FAM114A1: variants seen among roughly 807,000 people sequenced by gnomAD.
FAM114A1 encodes the protein family with sequence similarity 114 member A1.
FAM114A1 carries 62 observed loss-of-function variants against 64.3 expected under a neutral mutation model. That is an observed-to-expected ratio of 0.96 (90% CI 0.79 to 1.19). FAM114A1 has a LOEUF of 1.19. Ranked by LOEUF, FAM114A1 falls within the 50% of genes most tolerant of loss-of-function variation. The pLI, the probability that FAM114A1 is intolerant of heterozygous loss-of-function variation, is 0.00. For missense variants in FAM114A1, 645 were observed against 676.3 expected, an observed-to-expected ratio of 0.95 and a Z score of 0.51; for synonymous variants, 254 against 251.1, an observed-to-expected ratio of 1.01 and a Z score of -0.11.
rs145723690 is a variant in FAM114A1 at position 38,870,648 on chromosome 4, T to G, written c.-9+2102T>G. On this transcript the variant is annotated intron_variant, in intron 2 of 14. Coordinates refer to ENST00000358869, the MANE Select transcript of FAM114A1 (RefSeq NM_138389.4). Reference sequence around the variant, plus strand: ...CCTCCTTGTTTCTGTGGGTTGAGTCTCCCTAGCCTCCAGTCCACGAGACAT... The same window carrying G: ...CCTCCTTGTTTCTGTGGGTTGAGTCGCCCTAGCCTCCAGTCCACGAGACAT... Among the ~76,000 whole-genome samples the G allele has an allele frequency of 2.3e-4, 35 of 152,254 alleles. No homozygotes were observed. In the East Asian group the frequency reaches 5.6e-3, roughly 24 times the overall value.
chr4:38,932,037 A>G (rs1167816264), intron 11 of FAM114A1, among the ~76,000 whole-genome samples, 198 bp from the exon 12 acceptor site: 1 of 152,252 alleles, frequency 6.6e-6, no homozygotes, highest in Non-Finnish European at 1.5e-5. Context: ...CAGACCTGCC[A>G]CATCCGTGGG....
intron 12 of FAM114A1, among the ~76,000 whole-genome samples, 169 bp from the exon 13 acceptor site, chr4:38,935,549 G>T (rs1200300039): frequency 1.3e-5 from 2 of 152,226 alleles, no homozygotes; most frequent in African/African-American, 4.8e-5. Flanking sequence ...TGCGAATCAT[G>T]GAAGATGATT....
chr4:38,922,220 G>A (rs1005940930), intron 8 of FAM114A1, among the ~76,000 whole-genome samples: 17 of 152,172 alleles, frequency 1.1e-4, no homozygotes, highest in Non-Finnish European at 1.6e-4. Flanking sequence ...GATTACAGGC[G>A]TGAGCCACCG....
At chr4:38,932,834 T>C (rs1200298287) in intron 12 of FAM114A1, among the ~76,000 whole-genome samples, 2 of 151,470 alleles carry the variant, frequency 1.3e-5, no homozygotes, top group Non-Finnish European at 2.9e-5. Flanking sequence ...TCCATTGTTC[T>C]ACGGTCATCT....
rs111658740 is a variant in FAM114A1 at position 38,944,317 on chromosome 4, G to C, written c.*760G>C. Reference sequence around the variant, plus strand: ...GATCTCCTGACCTCGTGATCTGCCCGCCTCAGCCTCCCAAAGTGCTGGGAT... The same window carrying C: ...GATCTCCTGACCTCGTGATCTGCCCCCCTCAGCCTCCCAAAGTGCTGGGAT... On this transcript the variant is annotated 3_prime_UTR_variant, in exon 15 of 15. Coordinates refer to ENST00000358869, the MANE Select transcript of FAM114A1 (RefSeq NM_138389.4). The C allele has an allele frequency of 6.6e-6, 1 of 151,902 alleles. No individual in the cohort carries two copies. The highest frequency in any genetic ancestry group is 2.1e-4 in the South Asian group (1 of 4,818). 9.4% of individuals were successfully genotyped at this position (151,902 alleles called of 1,614,324 possible).
At chr4:38,913,528 G>A (rs917592353) in intron 7 of FAM114A1, among the ~76,000 whole-genome samples, 4 of 151,958 alleles carry the variant, frequency 2.6e-5, no homozygotes, top group African/African-American at 9.7e-5. Flanking sequence ...TGAGTAGCTG[G>A]GATTACAGGC....
At chr4:38,898,138 A>T (rs1717129652) in intron 4 of FAM114A1, among the ~76,000 whole-genome samples, 1 of 152,226 alleles carries the variant, frequency 6.6e-6, no homozygotes, top group Non-Finnish European at 1.5e-5. Context: ...AGTAGAATAC[A>T]GTAATTTATT....
At position 38,914,930 on chromosome 4, in the gene FAM114A1, G is replaced by A; in HGVS notation, c.802G>A (p.Glu268Lys). Residue 268 changes from glutamate to lysine, a missense_variant, in exon 8 of 15, where the codon GAA (glutamate) becomes AAA (lysine). By Grantham distance (56) the Glu-to-Lys change is moderately conservative. Transcript: ENST00000358869. The part of the protein sequence containing the change: ...RTVSLSQMLR[E>K]AKEKEKQRLA... ...TTGTGTATTTCTGCAGATGTTAAGG[G>A]AAGCTAAGGAGAAGGAGAAGCAGAG... The A allele has an allele frequency of 6.2e-7, 1 of 1,613,886 alleles. No homozygotes were observed. Among genetic ancestry groups the A allele is most frequent in the African/African-American group, 1.3e-5 (1 of 75,002 alleles).
intron 3 of FAM114A1, among the ~76,000 whole-genome samples, chr4:38,890,147 T>G (rs1716184976): frequency 6.6e-6 from 1 of 152,184 alleles, no homozygotes; most frequent in African/African-American, 2.4e-5. Context: ...GGCTCACACC[T>G]GTATTCCTAG....
chr4:38,879,183 A>G (rs1560287232), intron 3 of FAM114A1, among the ~76,000 whole-genome samples: 1 of 152,036 alleles, frequency 6.6e-6, no homozygotes, highest in Non-Finnish European at 1.5e-5. Context: ...AAAGAAGGAG[A>G]CAGGCTGCTC....
chr4:38,875,659 G>A (rs1377798756), intron 2 of FAM114A1, among the ~76,000 whole-genome samples: 2 of 152,234 alleles, frequency 1.3e-5, no homozygotes, highest in South Asian at 2.1e-4. Context: ...TCGTTCTCTT[G>A]TCTGATTGCT....
intron 4 of FAM114A1, among the ~76,000 whole-genome samples, chr4:38,897,907 C>T (rs1422473197): frequency 7.3e-5 from 11 of 150,922 alleles, no homozygotes; most frequent in Non-Finnish European, 2.9e-5. Context: ...GATTGCACCA[C>T]TGCACTCCAG....
In FAM114A1 at chr4:38,913,743, A is replaced by T. The variant is rs114041952; in HGVS notation, c.793-1178A>T. Among the ~76,000 whole-genome samples the T allele has an allele frequency of 4.9e-3, 743 of 152,298 alleles. 8 individuals carry two copies. Among genetic ancestry groups the T allele is most frequent in the African/African-American group, 0.017 (697 of 41,544 alleles). On this transcript the variant is annotated intron_variant, in intron 7 of 14. Coordinates refer to ENST00000358869, the MANE Select transcript of FAM114A1 (RefSeq NM_138389.4). ...TATATGATGACAAATACATTATGAGATTATGTTTATTAATTTTTAAATTGA... is the reference window on the plus strand; with the variant it reads ...TATATGATGACAAATACATTATGAGTTTATGTTTATTAATTTTTAAATTGA...
chr4:38,907,538 T>A (rs1182429172), intron 6 of FAM114A1, among the ~76,000 whole-genome samples: 1 of 152,170 alleles, frequency 6.6e-6, no homozygotes, highest in Non-Finnish European at 1.5e-5. Context: ...TACACAGAAG[T>A]GTGAATTGCT....
chr4:38,916,967 C>T (rs550089661), intron 8 of FAM114A1, among the ~76,000 whole-genome samples: 2 of 151,880 alleles, frequency 1.3e-5, no homozygotes, highest in South Asian at 2.1e-4. Flanking sequence ...AAAATTGCTC[C>T]GATAAATTCA....
At chr4:38,883,051 G>A (rs1470811561) in intron 3 of FAM114A1, among the ~76,000 whole-genome samples, 3 of 152,176 alleles carry the variant, frequency 2.0e-5, no homozygotes, top group Admixed American at 6.5e-5. Flanking sequence ...GCCTTCTCCT[G>A]TAGGAACCCA....
chr4:38,878,376 C>G lies in FAM114A1; in HGVS notation c.298C>G (p.Leu100Val). The G allele has an allele frequency of 6.2e-7, 1 of 1,611,582 alleles. No individual in the cohort carries two copies. The highest frequency in any genetic ancestry group is 8.5e-7 in the Non-Finnish European group (1 of 1,178,616). ...TLAECIDSVS[L>V]EAEPRSEIPL... ...TGCTGAATGTATTGATTCCGTCAGC[C>G]TTGAGGCAGAACCCAGATCCGAAAT... Residue 100 changes from leucine to valine, a missense_variant, in exon 3 of 15, where the codon CTT (leucine) becomes GTT (valine). Transcript: ENST00000358869.
chr4:38,905,850 G>T lies in FAM114A1; in HGVS notation c.646G>T (p.Val216Phe). The T allele has an allele frequency of 6.2e-7, 1 of 1,611,476 alleles. No homozygotes were observed. Among genetic ancestry groups the T allele is most frequent in the Non-Finnish European group, 8.5e-7 (1 of 1,179,382 alleles). The change falls in exon 6 of 15, where the codon GTT (valine) becomes TTT (phenylalanine). Residue 216 changes from valine (V) to phenylalanine (F), a missense_variant. Val to Phe is a conservative substitution (Grantham distance 50, BLOSUM62 -1). Coordinates refer to ENST00000358869, the MANE Select transcript of FAM114A1 (RefSeq NM_138389.4). ...TATGCTGTCTGCCATCACCAATGTGGTTCAAAACACAGTGAGTCGCTGGCT... is the reference window on the plus strand; with the variant it reads ...TATGCTGTCTGCCATCACCAATGTGTTTCAAAACACAGTGAGTCGCTGGCT... ...RGMLSAITNVVQNTGKSVLTG... is the reference protein window; with the variant it reads ...RGMLSAITNVFQNTGKSVLTG...
At chr4:38,908,168 C>T (rs1718196845) in intron 6 of FAM114A1, among the ~76,000 whole-genome samples, 1 of 152,074 alleles carries the variant, frequency 6.6e-6, no homozygotes, top group South Asian at 2.1e-4. Flanking sequence ...TAATAGACTG[C>T]TCCAAGCAAC....
Sources: allele counts gnomAD v4.1 joint callset (sites outside exome capture counted in the v4.1 genomes callset), GRCh38; gene constraint gnomAD v4.1.1; transcripts MANE v1.5; gene names NCBI Gene and HGNC (gene_info 2026-07-23, HGNC 2026-07-21).